The following ERCC1 variants were observed in gnomAD, a reference collection of about 807,000 sequenced individuals.
ERCC1 encodes ERCC excision repair 1, endonuclease non-catalytic subunit.
In ERCC1, 36 loss-of-function variants were observed where a neutral mutation model predicts 37.6. That is an observed-to-expected ratio of 0.96 (90% CI 0.73 to 1.26). The LOEUF (loss-of-function observed/expected upper bound fraction) is 1.26. ERCC1 is among the 50% of genes most tolerant of loss of function. The pLI, the probability that ERCC1 is intolerant of heterozygous loss-of-function variation, is 0.00. For synonymous variants in ERCC1, 156 were observed against 162.1 expected (o/e 0.96, Z 0.28); for missense variants, 349 against 376.5 (o/e 0.93, Z 0.60).
In ERCC1 at chr19:45,408,327, G is replaced by A. The variant is rs1455870457; in HGVS notation, c.*1348C>T. On this transcript the variant is annotated 3_prime_UTR_variant, in exon 10 of 10. Transcript: ENST00000300853. ...CAGGGCACCCTAAGGATCCTTGAGG[G>A]TCCCCAGCAATCCCTGTCAGGGAGC... is the stretch of plus-strand genomic sequence containing the variant. The A allele has an allele frequency of 1.2e-6, 2 of 1,609,482 alleles. No individual in the cohort carries two copies. Among genetic ancestry groups the A allele is most frequent in the Non-Finnish European group, 1.7e-6 (2 of 1,176,852 alleles).
rs1974554406 is a variant in ERCC1, at chr19:45,423,319, C to T, written c.56G>A (p.Arg19Lys). 6.2e-7 allele frequency: 1 copy of T among 1,613,952 alleles called. No homozygotes were observed. Among genetic ancestry groups the T allele is most frequent in the East Asian group, 2.2e-5 (1 of 44,876 alleles). Reference protein sequence around the residue: ...GVPQPSGPPARKKFVIPLDED... With the variant: ...GVPQPSGPPAKKKFVIPLDED... ...GTCGAGGGGTATCACAAATTTCTTCCTTGCTGGCGGCCCTGAGGGCTGGGG... is the reference window on the plus strand; with the variant it reads ...GTCGAGGGGTATCACAAATTTCTTCTTTGCTGGCGGCCCTGAGGGCTGGGG... Residue 19 changes from arginine to lysine, a missense_variant, in exon 2 of 10, where the codon AGG (arginine) becomes AAG (lysine). Arg to Lys is a conservative substitution (Grantham distance 26). Transcript: ENST00000300853.
At chr19:45,417,333 G>A (rs2062923354) in intron 5 of ERCC1, among the ~76,000 whole-genome samples, 1 of 152,150 alleles carries the variant, frequency 6.6e-6, no homozygotes, top group South Asian at 2.1e-4. Flanking sequence ...AGTGGCCAGG[G>A]CTGCGATGTG....
intron 1 of ERCC1, among the ~76,000 whole-genome samples, chr19:45,440,028 G>T (rs1293098397): frequency 6.6e-6 from 1 of 152,084 alleles, no homozygotes; most frequent in Non-Finnish European, 1.5e-5. Context: ...GGGAGCGCGC[G>T]GGGGGAGCGG....
chr19:45,447,831 G>C (rs1215822158), intron 1 of ERCC1, among the ~76,000 whole-genome samples: 4 of 151,950 alleles, frequency 2.6e-5, no homozygotes, highest in Non-Finnish European at 5.9e-5. Flanking sequence ...ATCACCTGGG[G>C]AGTAACTCAC....
intron 5 of ERCC1, among the ~76,000 whole-genome samples, chr19:45,418,583 G>A (rs548776692): frequency 6.6e-6 from 1 of 151,614 alleles, no homozygotes; most frequent in South Asian, 2.1e-4. Flanking sequence ...CAGCCTTTGG[G>A]AGGCTGAGGT....
At chr19:45,433,688 TAAAA>T (rs529620736) in intron 1 of ERCC1, among the ~76,000 whole-genome samples, 401 of 133,316 alleles carry the variant, frequency 3.0e-3, no homozygotes, top group African/African-American at 0.011. Flanking sequence ...ACTCTGTCTT[TAAAA>T]AAAAAAAAAA....
At chr19:45,437,082 T>G (rs929676947) in intron 1 of ERCC1, among the ~76,000 whole-genome samples, 16 of 151,962 alleles carry the variant, frequency 1.1e-4, no homozygotes, top group Admixed American at 1.1e-3. Context: ...AAACCCCATC[T>G]CCACTAAAAA....
rs1360368739 is a variant in ERCC1, at chr19:45,421,330, G to A, written c.169C>T (p.Pro57Ser). 1.2e-6 allele frequency: 2 copies of A among 1,613,936 alleles called. No individual in the cohort carries two copies. The highest frequency in any genetic ancestry group is 1.3e-5 in the African/African-American group (1 of 74,924). The change falls in exon 3 of 10, where the codon CCT becomes TCT. Residue 57 changes from proline (P) to serine (S), a missense_variant. By Grantham distance (74) the Pro-to-Ser change is moderately conservative. Coordinates refer to ENST00000300853, the MANE Select transcript of ERCC1 (RefSeq NM_001983.4). ...ATGGCATATTCGGCGTAGGTCTGAG[G>A]GGCCGCCTGGGCCGAGGTGTCCACA... The part of the protein sequence containing the change: ...PTVDTSAQAA[P>S]QTYAEYAISQ...
intron 5 of ERCC1, 25 bp downstream of exon 5, chr19:45,419,073 T>C (rs1170811280): frequency 6.7e-7 from 1 of 1,502,682 alleles, no homozygotes; most frequent in East Asian, 2.4e-5. Context: ...CCGGTGAGGC[T>C]GGCTAGGGAG....
intron 6 of ERCC1, among the ~76,000 whole-genome samples, chr19:45,416,308 A>G (rs1349552671): frequency 6.6e-6 from 1 of 152,256 alleles, no homozygotes; most frequent in East Asian, 1.9e-4. Context: ...GAGGAAAACC[A>G]GAAACACTGC....
In ERCC1 at chr19:45,420,154, C is replaced by A. The variant is rs1388072949; in HGVS notation, c.425+170G>T. ...GGGCTCCAGCTCTTGTTGCACTGGGCACCTCCAGGCCAAGACCCCCTGCCT... is the reference window on the plus strand; with the variant it reads ...GGGCTCCAGCTCTTGTTGCACTGGGAACCTCCAGGCCAAGACCCCCTGCCT... On this transcript the variant is annotated intron_variant, in intron 4 of 9. Transcript: ENST00000300853. This position sits in a 1 kb window ranked among gnomAD's most constrained non-coding sequence, Gnocchi z 4.8. Among the ~76,000 whole-genome samples the A allele has an allele frequency of 6.6e-6, 1 of 152,134 alleles. No homozygotes were observed. Among genetic ancestry groups the A allele is most frequent in the Non-Finnish European group, 1.5e-5 (1 of 68,016 alleles).
At chr19:45,432,131 C>T (rs1458231907) in intron 1 of ERCC1, among the ~76,000 whole-genome samples, 4 of 151,876 alleles carry the variant, frequency 2.6e-5, no homozygotes, top group Non-Finnish European at 4.4e-5. Flanking sequence ...GCCGCCACAC[C>T]GGGCTAATTT....
intron 1 of ERCC1, among the ~76,000 whole-genome samples, chr19:45,442,651 G>T (rs1386838524): frequency 2.6e-5 from 4 of 152,172 alleles, no homozygotes; most frequent in Admixed American, 6.6e-5. Flanking sequence ...TTGAGGCAAG[G>T]AAGTGGATGA....
Position 45,408,602 on chromosome 19 carries a change from A to C in ERCC1, c.*1073T>G. The stretch of plus-strand genomic sequence containing the variant: ...GGGGTCGCCAGAAATGGATGTGCGG[A>C]AGAAGAAGAAGAAAAAAAATCAGCA... On this transcript the variant is annotated 3_prime_UTR_variant, in exon 10 of 10. Transcript: ENST00000300853. 6.2e-7 allele frequency: 1 copy of C among 1,612,776 alleles called. No homozygotes were observed. Among genetic ancestry groups the C allele is most frequent in the Non-Finnish European group, 8.5e-7 (1 of 1,179,550 alleles).
intron 1 of ERCC1, among the ~76,000 whole-genome samples, chr19:45,434,155 C>CAAAAAAAAAAA (rs138387403): frequency 1.0e-5 from 1 of 97,450 alleles, no homozygotes. Context: ...CACACACACA[C>CAAAAAAAAAAA]AAAAAAAAAA....
chr19:45,439,696 C>T (rs1242005274), intron 1 of ERCC1, among the ~76,000 whole-genome samples: 3 of 151,996 alleles, frequency 2.0e-5, no homozygotes, highest in African/African-American at 7.2e-5. Flanking sequence ...GTCCCGACGC[C>T]CCTGGAAGAT....
intron 4 of ERCC1, chr19:45,419,398 T>C (rs757694932): frequency 1.6e-5 from 9 of 579,134 alleles, no homozygotes; most frequent in Non-Finnish European, 2.5e-5. Flanking sequence ...CAGGGCCACA[T>C]GGCTGTGCTT....
chr19:45,414,476 C>CA (rs200487437), intron 7 of ERCC1: 49,714 of 244,764 alleles, frequency 0.2, 2,639 homozygotes, highest in East Asian at 0.35. Context: ...GACTCCATCT[C>CA]AAAAAAAAAA....
chr19:45,419,472 G>A (rs1269673546), intron 4 of ERCC1: 17 of 443,214 alleles, frequency 3.8e-5, no homozygotes, highest in South Asian at 3.6e-4. Flanking sequence ...TTCAAGGGGA[G>A]AACAGGTGCC....
Sources: allele counts gnomAD v4.1 joint callset (sites outside exome capture counted in the v4.1 genomes callset), GRCh38; gene constraint gnomAD v4.1.1; non-coding constraint Gnocchi (gnomAD v3.1); transcripts MANE v1.5; gene names NCBI Gene and HGNC (gene_info 2026-07-23, HGNC 2026-07-21).